Variants in PCDH7 observed in about 807,000 individuals in gnomAD.
PCDH7 encodes the protein protocadherin 7.
PCDH7 carries 17 observed loss-of-function variants against 58.9 expected under a neutral mutation model. The ratio of observed to expected loss-of-function variants is 0.29; its 90% CI spans 0.20 to 0.43. PCDH7 has a LOEUF of 0.43. Among genes scored for constraint, PCDH7 ranks in the 20% least tolerant of loss-of-function variants. The pLI, the probability that PCDH7 is intolerant of heterozygous loss-of-function variation, is 1.00. For missense variants in PCDH7, 1,274 were observed against 1,441.0 expected (o/e 0.88, Z 1.88); for synonymous variants, 664 against 616.4 (o/e 1.08, Z -1.14).
chr4:31,031,722 A>G (rs1180980038), intron 3 of PCDH7, among the ~76,000 whole-genome samples: 1 of 152,178 alleles, frequency 6.6e-6, no homozygotes, highest in Admixed American at 6.5e-5. Context: ...ATTTCTTTCC[A>G]TCTCAGTGTA....
At chr4:31,142,794 G>T (rs775251804) in exon 4 of PCDH7, 1 of 1,366,982 alleles carries the variant, frequency 7.3e-7, no homozygotes, top group South Asian at 1.1e-5. Flanking sequence ...ACAAAAACAG[G>T]GGAATATAAG....
At chr4:30,813,699 TG>T (rs1727288403) in intron 1 of PCDH7, among the ~76,000 whole-genome samples, 1 of 152,182 alleles carries the variant, frequency 6.6e-6, no homozygotes, top group South Asian at 2.1e-4. Flanking sequence ...TAGAGTGCAG[TG>T]GCATGGTCTC....
At position 30,721,396 on chromosome 4, in the gene PCDH7, G is replaced by GAGCAGT; in HGVS notation, c.-21_-16dup. On this transcript the variant is annotated 5_prime_UTR_variant, in exon 1 of 2. Coordinates refer to ENST00000361762, the Ensembl canonical transcript of PCDH7. This position sits in a 1 kb window ranked among gnomAD's most constrained non-coding sequence, Gnocchi z 6.7. ...GCGCCGAGGGGGCTGTGGTTAGAAG[G>GAGCAGT]AGCAGTAGCAGCAGCAGCAGGAGAA... The GAGCAGT allele has an allele frequency of 6.8e-7, 1 of 1,467,692 alleles. No homozygotes were observed. Among genetic ancestry groups the GAGCAGT allele is most frequent in the Non-Finnish European group, 9.0e-7 (1 of 1,111,500 alleles). The allele number at this position is 1,467,692 out of a possible 1,614,324, so 90.9% of individuals were successfully genotyped here.
Position 30,722,969 on chromosome 4 carries a change from C to G in PCDH7, c.1547C>G (p.Ser516Trp), listed in dbSNP as rs1230793410. The change falls in exon 1 of 2, where the codon TCG becomes TGG. Residue 516 changes from serine (S) to tryptophan (W), a missense_variant. By Grantham distance (177) the Ser-to-Trp change is radical. This residue lies in a region of PCDH7 where 731 missense variants were observed against 881.9 expected (regional missense o/e 0.83). Coordinates refer to ENST00000361762, the Ensembl canonical transcript of PCDH7. The surrounding 1 kb of genome is among the most constrained non-coding windows in gnomAD (Gnocchi z 7.6). ...GTGGACTCAGGCAGCCCCAGCCTCT[C>G]GAGCAACAACTCCCTGATTGTCAAG... 1.2e-6 allele frequency: 2 copies of G among 1,613,618 alleles called. No homozygotes were observed. Among genetic ancestry groups the G allele is most frequent in the African/African-American group, 1.3e-5 (1 of 74,920 alleles).
chr4:30,897,800 T>C (rs946658301), intron 1 of PCDH7, among the ~76,000 whole-genome samples: 4 of 152,250 alleles, frequency 2.6e-5, no homozygotes, highest in African/African-American at 9.6e-5. Flanking sequence ...TTTTTTGTAG[T>C]GATATCCTGG....
intron 1 of PCDH7, among the ~76,000 whole-genome samples, chr4:30,762,234 C>T (rs1231824059): frequency 1.3e-5 from 2 of 151,938 alleles, no homozygotes; most frequent in Admixed American, 1.3e-4. Context: ...TTTTTCTTAG[C>T]AATTTTGTAT....
intron 3 of PCDH7, among the ~76,000 whole-genome samples, chr4:31,107,390 A>G (rs530714189): frequency 1.3e-5 from 2 of 152,340 alleles, no homozygotes; most frequent in East Asian, 1.9e-4. Context: ...CGCTGAAGCA[A>G]TGTAGTTCAG....
At chr4:30,838,588 A>G (rs896403395) in intron 1 of PCDH7, among the ~76,000 whole-genome samples, 3 of 152,168 alleles carry the variant, frequency 2.0e-5, no homozygotes, top group East Asian at 1.9e-4. Context: ...ACAGCACTCA[A>G]TTAAGAAGCC....
At chr4:31,024,329 T>C (rs1201101489) in intron 3 of PCDH7, among the ~76,000 whole-genome samples, 1 of 152,204 alleles carries the variant, frequency 6.6e-6, no homozygotes, top group Non-Finnish European at 1.5e-5. Flanking sequence ...AAAACTGAGA[T>C]ACTAATATCT....
intron 1 of PCDH7, among the ~76,000 whole-genome samples, chr4:30,903,933 C>T (rs1457323619): frequency 6.6e-6 from 1 of 152,070 alleles, no homozygotes; most frequent in Non-Finnish European, 1.5e-5. Context: ...ATTAAGCTAA[C>T]ATTTTTAAAC....
At chr4:31,028,657 CA>C (rs5857218) in intron 3 of PCDH7, among the ~76,000 whole-genome samples, 37,836 of 134,580 alleles carry the variant, frequency 0.28, 5,013 homozygotes, top group East Asian at 0.37. Context: ...GACCCTGCTT[CA>C]AAAAAAAAAA....
chr4:31,030,823 TA>T (rs950999371), intron 3 of PCDH7, among the ~76,000 whole-genome samples: 42 of 152,180 alleles, frequency 2.8e-4, no homozygotes, highest in African/African-American at 9.9e-4. Context: ...TTTGCTTTTT[TA>T]AAAAACTACA....
intron 1 of PCDH7, among the ~76,000 whole-genome samples, chr4:30,742,839 T>G (rs1717261423): frequency 6.6e-6 from 1 of 152,184 alleles, no homozygotes; most frequent in Admixed American, 6.5e-5. Context: ...AGAAAGATCC[T>G]CACATCTAAA....
intron 2 of PCDH7, among the ~76,000 whole-genome samples, chr4:30,938,531 G>A (rs1415838402): frequency 6.6e-6 from 1 of 151,576 alleles, no homozygotes; most frequent in Admixed American, 6.6e-5. Context: ...CACCAGCCTT[G>A]ATAGGCTAGG....
At chr4:30,922,278 A>T (rs972474228) in intron 2 of PCDH7, among the ~76,000 whole-genome samples, 9 of 151,960 alleles carry the variant, frequency 5.9e-5, no homozygotes, top group African/African-American at 2.2e-4. Flanking sequence ...GTATTACTAC[A>T]TCTGAGATTA....
intron 1 of PCDH7, among the ~76,000 whole-genome samples, chr4:30,897,770 A>G (rs1739638508): frequency 6.6e-6 from 1 of 152,222 alleles, no homozygotes; most frequent in Non-Finnish European, 1.5e-5. Flanking sequence ...AATATTGTAA[A>G]CCAATGAAAT....
downstream of PCDH7, among the ~76,000 whole-genome samples, chr4:30,737,593 A>G (rs1403422938): frequency 6.6e-6 from 1 of 152,106 alleles, no homozygotes; most frequent in Non-Finnish European, 1.5e-5. Flanking sequence ...TGATCTTGTG[A>G]TAGCTTCTTA....
chr4:30,744,430 A>G (rs1371058004), intron 1 of PCDH7, among the ~76,000 whole-genome samples: 1 of 152,204 alleles, frequency 6.6e-6, no homozygotes, highest in Non-Finnish European at 1.5e-5. Context: ...TAATGTAACC[A>G]TGATTTACAT....
chr4:30,799,860 T>G (rs1725296673), intron 1 of PCDH7, among the ~76,000 whole-genome samples: 1 of 151,406 alleles, frequency 6.6e-6, no homozygotes, highest in Non-Finnish European at 1.5e-5. Flanking sequence ...AATATCACTT[T>G]TTTTTTTTTT....
Sources: allele counts gnomAD v4.1 joint callset (sites outside exome capture counted in the v4.1 genomes callset), GRCh38; gene constraint gnomAD v4.1.1; regional missense constraint gnomAD v4.1.1; non-coding constraint Gnocchi (gnomAD v3.1); transcripts MANE v1.5; gene names NCBI Gene and HGNC (gene_info 2026-07-23, HGNC 2026-07-21).